MYH16: variants seen among roughly 807,000 people sequenced by gnomAD.
MYH16 encodes myosin heavy chain 16.
intron 17 of MYH16, chr7:99,265,739 C>G (rs1366443323): frequency 2.0e-5 from 3 of 152,834 alleles, no homozygotes; most frequent in Non-Finnish European, 4.4e-5. Flanking sequence ...AGTTGACCAG[C>G]TGATAAGTCA....
chr7:99,282,938 T>A (rs1792221580), intron 23 of MYH16, among the ~76,000 whole-genome samples: 1 of 152,124 alleles, frequency 6.6e-6, no homozygotes, highest in Non-Finnish European at 1.5e-5. Context: ...TTTACTCACA[T>A]AAGTGCCCGG....
intron 40 of MYH16, 35 bp downstream of exon 21, chr7:99,304,791 T>C (rs983559517): frequency 1.3e-5 from 2 of 152,484 alleles, no homozygotes; most frequent in African/African-American, 4.8e-5. Context: ...AAGGGAGGAA[T>C]GGGGATCTGG....
At chr7:99,244,282 A>T (rs556465512) in intron 2 of MYH16, among the ~76,000 whole-genome samples, 1 of 152,260 alleles carries the variant, frequency 6.6e-6, no homozygotes, top group Admixed American at 6.5e-5. Flanking sequence ...CTTAGGAAGG[A>T]CAACCAACTG....
exon 12 of MYH16, chr7:99,260,325 G>C: frequency 7.4e-7 from 1 of 1,346,152 alleles, no homozygotes; most frequent in Non-Finnish European, 1.1e-6. Context: ...GCATCGACCT[G>C]CTGGAAAAGG....
chr7:99,254,473 G>A lies in MYH16; in HGVS notation n.892+648G>A, dbSNP rs559896125. ...CCTGCTGCCTCTGAGTCTGATACTC[G>A]GGCACCAGCACAGGGATCAGCCCAA... On this transcript the variant is annotated intron_variant and non_coding_transcript_variant, in intron 8 of 41. Coordinates refer to ENST00000439784, the Ensembl canonical transcript of MYH16. 5.9e-5 allele frequency among the ~76,000 whole-genome samples: 9 copies of A among 152,156 alleles called. No individual in the cohort carries two copies. The South Asian group carries it at 1.5e-3, about 25-fold the overall frequency.
At chr7:99,273,768 G>T (rs1172641443) in intron 20 of MYH16, among the ~76,000 whole-genome samples, 4 of 150,182 alleles carry the variant, frequency 2.7e-5, no homozygotes, top group Admixed American at 2.7e-4. Flanking sequence ...GTAAGAAAGA[G>T]AGGAAAGGAA....
chr7:99,292,961 A>G (rs1584356301), intron 32 of MYH16, among the ~76,000 whole-genome samples: 1 of 9,954 alleles, frequency 1.0e-4, no homozygotes, highest in Non-Finnish European at 1.3e-4. Context: ...TCCTGTCTCT[A>G]AAAAAAAAAA....
At chr7:99,269,564 C>T (rs1224849545) in intron 18 of MYH16, among the ~76,000 whole-genome samples, 2 of 152,176 alleles carry the variant, frequency 1.3e-5, no homozygotes, top group African/African-American at 2.4e-5. Context: ...GCATAAGCCA[C>T]ACCACCTGGC....
At chr7:99,261,076 A>T (rs1791933225) in intron 12 of MYH16, 1 of 151,878 alleles carries the variant, frequency 6.6e-6, no homozygotes, top group Non-Finnish European at 1.5e-5. Context: ...CAAAATAAAT[A>T]AATTAAATTA....
chr7:99,307,499 A>T (rs367747171), downstream of MYH16, among the ~76,000 whole-genome samples: 2 of 152,086 alleles, frequency 1.3e-5, no homozygotes, highest in African/African-American at 4.8e-5. Context: ...CAAGGGGGAA[A>T]ATGGTTTAAG....
exon 31 of MYH16, chr7:99,291,333 T>G (rs763452958): frequency 2.0e-5 from 9 of 455,886 alleles, no homozygotes; most frequent in South Asian, 1.4e-4. Context: ...CTGAAAATAG[T>G]GAACTGAGCA....
At chr7:99,281,688 C>CA (rs1674014552) in intron 23 of MYH16, among the ~76,000 whole-genome samples, 3 of 152,208 alleles carry the variant, frequency 2.0e-5, no homozygotes, top group Admixed American at 2.0e-4. Flanking sequence ...AAAGCCCCAG[C>CA]AAAGCCTAAG....
intron 33 of MYH16, among the ~76,000 whole-genome samples, chr7:99,294,814 C>T (rs540842677): frequency 6.6e-6 from 1 of 152,220 alleles, no homozygotes; most frequent in African/African-American, 2.4e-5. Context: ...GATCCACCCG[C>T]CTTGGCCTCC....
At chr7:99,271,591 T>A (rs542273042) in intron 19 of MYH16, among the ~76,000 whole-genome samples, 11 of 152,364 alleles carry the variant, frequency 7.2e-5, no homozygotes, top group South Asian at 6.2e-4. Context: ...CAGGAATTTT[T>A]AAAAATTTTT....
intron 20 of MYH16, among the ~76,000 whole-genome samples, chr7:99,276,969 G>A (rs1037176002): frequency 1.3e-5 from 2 of 151,966 alleles, no homozygotes; most frequent in Admixed American, 6.6e-5. Context: ...GAAACACGGA[G>A]AGAGAAAAAG....
intron 1 of MYH16, among the ~76,000 whole-genome samples, chr7:99,242,757 C>T (rs1791680305): frequency 6.6e-6 from 1 of 152,168 alleles, no homozygotes; most frequent in South Asian, 2.1e-4. Flanking sequence ...TCCACTCTTC[C>T]CCCCACCCTT....
At chr7:99,299,827 G>A (rs1387735771) in intron 37 of MYH16, among the ~76,000 whole-genome samples, 169 bp downstream of exon 18, 1 of 152,006 alleles carries the variant, frequency 6.6e-6, no homozygotes, top group Non-Finnish European at 1.5e-5. Flanking sequence ...ACTATATAAA[G>A]AAGAGGCCCT....
chr7:99,244,160 T>TCATCCACC (rs1791702036), intron 2 of MYH16, among the ~76,000 whole-genome samples: 1 of 151,914 alleles, frequency 6.6e-6, no homozygotes, highest in Non-Finnish European at 1.5e-5. Context: ...ATCCATCCAC[T>TCATCCACC]CATCCACCCA....
exon 32 of MYH16, chr7:99,292,416 C>A (rs1384946424): frequency 2.2e-6 from 1 of 458,030 alleles, no homozygotes; most frequent in Non-Finnish European, 4.4e-6. Flanking sequence ...AGCTGCAGCG[C>A]CTCGTGTCCA....
Sources: gnomAD v4.1 joint callset for allele counts (sites outside exome capture counted in the v4.1 genomes callset) on GRCh38, gnomAD v4.1.1 for gene constraint, MANE v1.5 for transcripts, NCBI Gene and HGNC (gene_info 2026-07-23, HGNC 2026-07-21) for gene names.